Variants in ZFP90 observed in about 807,000 individuals in gnomAD.
The protein encoded by ZFP90 is zinc finger protein 90 homolog.
Under a neutral mutation model 60.8 loss-of-function variants are expected in ZFP90, and 38 were observed. That is an observed-to-expected ratio of 0.62 (90% CI 0.48 to 0.82). The LOEUF is 0.82. Ranked by LOEUF, ZFP90 falls within the 40% of genes least tolerant of loss-of-function variation. The pLI is 0.00. For synonymous variants in ZFP90, 287 were observed against 264.8 expected (o/e 1.08, Z -0.82); for missense variants, 711 against 759.1 (o/e 0.94, Z 0.74).
At chr16:68,562,738 G>A (rs773137823) in intron 4 of ZFP90, 23 of 529,264 alleles carry the variant, frequency 4.3e-5, no homozygotes, top group Non-Finnish European at 6.7e-5. Context: ...TCCTAAGATG[G>A]GCTGTGATCC....
At chr16:68,540,241 C>G in intron 2 of ZFP90, among the ~76,000 whole-genome samples, 1 of 152,058 alleles carries the variant, frequency 6.6e-6, no homozygotes, top group East Asian at 1.9e-4. Context: ...CATAGAGAGT[C>G]CGTAAGGGGC....
At chr16:68,540,935 A>T (rs1480492640) in intron 2 of ZFP90, among the ~76,000 whole-genome samples, 2 of 142,860 alleles carry the variant, frequency 1.4e-5, no homozygotes, top group African/African-American at 2.5e-5. Context: ...TTTTTGAAAC[A>T]GGGTCTCTTG....
intron 2 of ZFP90, among the ~76,000 whole-genome samples, chr16:68,556,690 A>G (rs1181724878): frequency 1.3e-5 from 2 of 152,226 alleles, no homozygotes; most frequent in African/African-American, 4.8e-5. Flanking sequence ...ATTGCTAGAA[A>G]CACAAGTGTC....
At position 68,563,125 on chromosome 16, in the gene ZFP90, T is replaced by TAGG. The variant is rs747551688; in HGVS notation, c.339_340insGGA (p.Leu113_His114insGly). On this transcript the variant is annotated inframe_insertion, in exon 5 of 5. Coordinates refer to ENST00000563169, the MANE Select transcript of ZFP90 (RefSeq NM_001305203.2). ...GTATCCCACTGCACACATGATCTCT[T>TAGG]ACATGCTACATTAGAAGACTCCTGG... 1.2e-6 allele frequency: 2 copies of TAGG among 1,614,156 alleles called. No individual in the cohort carries two copies. Among genetic ancestry groups the TAGG allele is most frequent in the South Asian group, 2.2e-5 (2 of 91,080 alleles).
chr16:68,561,934 C>G (rs2091444545), intron 4 of ZFP90: 1 of 151,966 alleles, frequency 6.6e-6, no homozygotes, highest in East Asian at 1.9e-4. Flanking sequence ...ACAGTCAATA[C>G]CACATACCTA....
chr16:68,543,207 A>G (rs2091083701), intron 2 of ZFP90, among the ~76,000 whole-genome samples: 2 of 152,188 alleles, frequency 1.3e-5, no homozygotes, highest in African/African-American at 2.4e-5. Flanking sequence ...TGTCTGGTGT[A>G]TTCAAGGAGC....
chr16:68,569,820 C>T (rs577092702), downstream of ZFP90, among the ~76,000 whole-genome samples: 1 of 152,156 alleles, frequency 6.6e-6, no homozygotes, highest in Non-Finnish European at 1.5e-5. Context: ...GATAATTCCT[C>T]TTCTCTGTGC....
chr16:68,549,022 G>C (rs1175736496), intron 2 of ZFP90, among the ~76,000 whole-genome samples: 1 of 152,002 alleles, frequency 6.6e-6, no homozygotes, highest in Admixed American at 6.6e-5. Context: ...GAATTACCCA[G>C]ATTCTGTATC....
downstream of ZFP90, among the ~76,000 whole-genome samples, chr16:68,572,032 CT>C (rs963602023): frequency 1.3e-5 from 2 of 151,264 alleles, no homozygotes; most frequent in African/African-American, 4.9e-5. Flanking sequence ...TTAACAAACA[CT>C]TTTTTTTTGA....
downstream of ZFP90, among the ~76,000 whole-genome samples, chr16:68,569,198 A>T (rs1358284676): frequency 7.5e-6 from 1 of 134,056 alleles, no homozygotes; most frequent in South Asian, 2.4e-4. Flanking sequence ...GTGCAGTGGC[A>T]TGATCTCAAC....
Position 68,564,365 on chromosome 16 carries a change from A to G in ZFP90, c.1578A>G (p.Glu526=). The change falls in exon 5 of 5, where the codon GAA becomes GAG. Residue 526 remains glutamate (E), a synonymous_variant. Transcript: ENST00000563169. ...TTCATACTGGAGAGAAACCCTATGA[A>G]TGTAATGAGTGTGGAGAAGCCTTTA... ...HRIHTGEKPY[E]CNECGEAFSR... 5 of 1,614,104 alleles carry G rather than the reference A, an allele frequency of 3.1e-6. No homozygotes were observed. The highest frequency in any genetic ancestry group is 3.4e-6 in the Non-Finnish European group (4 of 1,179,976).
intron 4 of ZFP90, among the ~76,000 whole-genome samples, chr16:68,560,987 C>A (rs534943810): frequency 1.3e-5 from 2 of 151,534 alleles, no homozygotes; most frequent in South Asian, 4.2e-4. Flanking sequence ...CTCCACCTCC[C>A]GGGTTCAAGC....
intron 2 of ZFP90, among the ~76,000 whole-genome samples, chr16:68,547,224 A>G (rs979610028): frequency 6.6e-6 from 1 of 152,228 alleles, no homozygotes; most frequent in East Asian, 1.9e-4. Flanking sequence ...CATTCTTAAC[A>G]GTGCACAAAG....
intron 2 of ZFP90, among the ~76,000 whole-genome samples, chr16:68,547,545 T>C (rs1428518952): frequency 5.3e-5 from 8 of 152,184 alleles, no homozygotes; most frequent in Admixed American, 4.6e-4. Flanking sequence ...GACCTCTGTA[T>C]TTGTTTTGGT....
At chr16:68,553,027 G>C (rs368486257) in intron 2 of ZFP90, among the ~76,000 whole-genome samples, 1 of 152,124 alleles carries the variant, frequency 6.6e-6, no homozygotes. Context: ...ACTCCAGCCC[G>C]GGCAACAGAG....
At chr16:68,547,306 AG>A (rs1222827619) in intron 2 of ZFP90, among the ~76,000 whole-genome samples, 1 of 152,224 alleles carries the variant, frequency 6.6e-6, no homozygotes, top group Admixed American at 6.5e-5. Flanking sequence ...CATCCTAACC[AG>A]TGTGAGGTGA....
Position 68,566,764 on chromosome 16 carries a change from C to T in ZFP90, c.*2066C>T. 1 of 985,570 alleles carries T rather than the reference C, an allele frequency of 1.0e-6. No homozygotes were observed. The highest frequency in any genetic ancestry group is 4.7e-5 in the South Asian group (1 of 21,280). 61.1% of individuals were successfully genotyped at this position (985,570 alleles called of 1,614,324 possible). The stretch of plus-strand genomic sequence containing the variant: ...TTGGCTAGGATGCCTGTCAGGAACT[C>T]ATTATGCTACTGGTTGTTTGGGGAT... On this transcript the variant is annotated 3_prime_UTR_variant, in exon 5 of 5. Transcript: ENST00000563169.
chr16:68,564,077 T>TTTCAAGCAC lies in ZFP90; in HGVS notation c.1291_1299dup (p.Phe431_His433dup). 6.2e-7 allele frequency: 1 copy of TTTCAAGCAC among 1,614,088 alleles called. No homozygotes were observed. Among genetic ancestry groups the TTTCAAGCAC allele is most frequent in the Non-Finnish European group, 8.5e-7 (1 of 1,180,004 alleles). On this transcript the variant is annotated inframe_insertion, in exon 5 of 5. Transcript: ENST00000563169. Reference sequence around the variant, plus strand: ...ACCAAAGCAGTAACTACAGCATAGATTTCAAGCACAGCACATCTCTCACTC... The same window carrying TTTCAAGCAC: ...ACCAAAGCAGTAACTACAGCATAGATTTCAAGCACTTCAAGCACAGCACATCTCTCACTC...
upstream of ZFP90, among the ~76,000 whole-genome samples, chr16:68,534,452 T>G (rs1350055369): frequency 6.7e-6 from 1 of 150,244 alleles, no homozygotes; most frequent in Admixed American, 6.6e-5. Flanking sequence ...ATGGTCTTGA[T>G]CTCCTAACCT....
Sources: allele counts gnomAD v4.1 joint callset (sites outside exome capture counted in the v4.1 genomes callset), GRCh38; gene constraint gnomAD v4.1.1; transcripts MANE v1.5; gene names NCBI Gene and HGNC (gene_info 2026-07-23, HGNC 2026-07-21).